ZNF385D: variants seen among roughly 807,000 people sequenced by gnomAD.
ZNF385D encodes zinc finger protein 659.
ZNF385D carries 15 observed loss-of-function variants against 35.8 expected under a neutral mutation model. That is an observed-to-expected ratio of 0.42 (90% CI 0.28 to 0.64). The LOEUF is 0.64. Among genes scored for constraint, ZNF385D ranks in the 30% least tolerant of loss-of-function variants. The pLI, the probability that ZNF385D is intolerant of heterozygous loss-of-function variation, is 0.23. For synonymous variants in ZNF385D, 212 were observed against 186.8 expected (o/e 1.13, Z -1.10); for missense variants, 474 against 494.6 (o/e 0.96, Z 0.39).
chr3:22,142,637 A>C (rs1048383054), intron 3 of ZNF385D, among the ~76,000 whole-genome samples: 4 of 152,086 alleles, frequency 2.6e-5, no homozygotes, highest in African/African-American at 9.7e-5. Flanking sequence ...TATAGACTAG[A>C]TCAATCCAAG....
intron 2 of ZNF385D, among the ~76,000 whole-genome samples, chr3:22,187,225 A>G (rs561179061): frequency 6.6e-6 from 1 of 152,290 alleles, no homozygotes; most frequent in South Asian, 2.1e-4. Context: ...TTTAACTGGC[A>G]TCTTGTACTG....
At chr3:21,669,409 T>C (rs1482083835) in intron 1 of ZNF385D, among the ~76,000 whole-genome samples, 1 of 152,202 alleles carries the variant, frequency 6.6e-6, no homozygotes, top group Non-Finnish European at 1.5e-5. Context: ...ATAATAAATG[T>C]TGTTTCGGTC....
intron 3 of ZNF385D, among the ~76,000 whole-genome samples, chr3:22,115,085 T>C (rs1702740108): frequency 6.6e-6 from 1 of 152,062 alleles, no homozygotes; most frequent in African/African-American, 2.4e-5. Flanking sequence ...AGACAGGGTG[T>C]CAACTCACTG....
intron 1 of ZNF385D, among the ~76,000 whole-genome samples, chr3:21,723,145 G>C (rs535406217): frequency 1.3e-5 from 2 of 152,150 alleles, no homozygotes; most frequent in South Asian, 2.1e-4. Context: ...CCCATCCAAA[G>C]GTCACCAACA....
chr3:21,948,462 T>C (rs1261878651), intron 3 of ZNF385D, among the ~76,000 whole-genome samples: 1 of 152,096 alleles, frequency 6.6e-6, no homozygotes, highest in Non-Finnish European at 1.5e-5. Flanking sequence ...CTTAGAAAAT[T>C]TACATTTTAT....
At chr3:22,188,649 A>G (rs1270837961) in intron 2 of ZNF385D, among the ~76,000 whole-genome samples, 1 of 151,992 alleles carries the variant, frequency 6.6e-6, no homozygotes, top group Non-Finnish European at 1.5e-5. Context: ...ATGGGGTTTC[A>G]CCGTGTTAGC....
intron 5 of ZNF385D, among the ~76,000 whole-genome samples, chr3:21,427,040 G>T (rs1308114195): frequency 6.6e-6 from 1 of 152,144 alleles, no homozygotes. Context: ...GAATTGAAAC[G>T]TGGAACCAGA....
intron 2 of ZNF385D, among the ~76,000 whole-genome samples, chr3:22,281,865 T>A (rs1343833961): frequency 5.3e-5 from 8 of 151,588 alleles, no homozygotes. Flanking sequence ...ATCTGTCTGG[T>A]ACTGAACATT....
At chr3:21,564,552 G>A in intron 3 of ZNF385D, 22 bp downstream of exon 3, 1 of 1,362,006 alleles carries the variant, frequency 7.3e-7, no homozygotes, top group Non-Finnish European at 9.9e-7. Context: ...TTTTTTAAGT[G>A]AACACTAAAT....
At chr3:21,841,112 C>T (rs769201022) in intron 3 of ZNF385D, among the ~76,000 whole-genome samples, 1 of 152,044 alleles carries the variant, frequency 6.6e-6, no homozygotes, top group South Asian at 2.1e-4. Context: ...GAAGCAAGGA[C>T]ATTCAGAGCA....
At chr3:22,182,404 C>T (rs992139547) in intron 2 of ZNF385D, among the ~76,000 whole-genome samples, 1 of 152,050 alleles carries the variant, frequency 6.6e-6, no homozygotes, top group Non-Finnish European at 1.5e-5. Flanking sequence ...TTAACTCTTT[C>T]CCATATGAAG....
intron 2 of ZNF385D, among the ~76,000 whole-genome samples, chr3:22,261,572 T>C (rs535346152): frequency 6.6e-6 from 1 of 152,018 alleles, no homozygotes; most frequent in African/African-American, 2.4e-5. Context: ...GCTCTGTGCC[T>C]GGAAACCTAG....
intron 2 of ZNF385D, among the ~76,000 whole-genome samples, chr3:22,315,657 T>C (rs1371004413): frequency 2.0e-5 from 3 of 152,178 alleles, no homozygotes; most frequent in Non-Finnish European, 4.4e-5. Flanking sequence ...AAACCACCTG[T>C]CTGCAAAGAT....
At chr3:21,869,353 A>G (rs1293939838) in intron 3 of ZNF385D, among the ~76,000 whole-genome samples, 1 of 152,128 alleles carries the variant, frequency 6.6e-6, no homozygotes, top group African/African-American at 2.4e-5. Context: ...GTAGCAGTAT[A>G]TGTATTAACT....
At chr3:21,920,242 T>C (rs369412507) in intron 3 of ZNF385D, among the ~76,000 whole-genome samples, 1 of 152,104 alleles carries the variant, frequency 6.6e-6, no homozygotes, top group Admixed American at 6.5e-5. Flanking sequence ...TTTTAGCTTT[T>C]TGAGAGAGAT....
At chr3:21,825,200 C>A (rs924798195) in intron 3 of ZNF385D, among the ~76,000 whole-genome samples, 2 of 151,600 alleles carry the variant, frequency 1.3e-5, no homozygotes, top group African/African-American at 4.9e-5. Flanking sequence ...ATTTTTTCAC[C>A]AAACAGTGTT....
chr3:21,624,118 G>A (rs1037091076), intron 2 of ZNF385D, among the ~76,000 whole-genome samples: 3 of 152,030 alleles, frequency 2.0e-5, no homozygotes, highest in Non-Finnish European at 4.4e-5. Flanking sequence ...CATTTCATAT[G>A]CAACCAATCA....
At chr3:21,451,018 A>G (rs1702425096) in intron 4 of ZNF385D, among the ~76,000 whole-genome samples, 1 of 152,070 alleles carries the variant, frequency 6.6e-6, no homozygotes. Flanking sequence ...TTTCAAGATA[A>G]GACAGAATTA....
At chr3:22,308,918 A>C (rs1398293766) in intron 2 of ZNF385D, among the ~76,000 whole-genome samples, 1 of 152,120 alleles carries the variant, frequency 6.6e-6, no homozygotes, top group Admixed American at 6.6e-5. Context: ...AAATTTGAAA[A>C]ATTTGCTTTA....
Sources: allele counts gnomAD v4.1 joint callset (sites outside exome capture counted in the v4.1 genomes callset), GRCh38; gene constraint gnomAD v4.1.1; transcripts MANE v1.5; gene names NCBI Gene and HGNC (gene_info 2026-07-23, HGNC 2026-07-21).